Variants in CPNE5 observed in about 807,000 individuals in gnomAD.
CPNE5 encodes copine 5.
In CPNE5, 42 loss-of-function variants were observed where a neutral mutation model predicts 81.1. The observed-to-expected ratio is 0.52, with a 90% confidence interval of 0.40 to 0.67. The LOEUF (loss-of-function observed/expected upper bound fraction) is 0.67, where lower values mean the gene tolerates loss of function less well. Among genes scored for constraint, CPNE5 ranks in the 30% least tolerant of loss-of-function variants. The pLI is 0.00. For synonymous variants in CPNE5, 313 were observed against 321.5 expected, an observed-to-expected ratio of 0.97 and a Z score of 0.28; for missense variants, 612 against 815.5, an observed-to-expected ratio of 0.75 and a Z score of 3.04.
At chr6:36,838,307 C>T (rs771548028) in intron 1 of CPNE5, among the ~76,000 whole-genome samples, 22 of 152,294 alleles carry the variant, frequency 1.4e-4, no homozygotes, top group Admixed American at 3.9e-4. Context: ...GAAATGCTGT[C>T]GGTGATCTGG....
chr6:36,774,332 G>A (rs1767308936), intron 10 of CPNE5, among the ~76,000 whole-genome samples: 1 of 152,078 alleles, frequency 6.6e-6, no homozygotes, highest in South Asian at 2.1e-4. Flanking sequence ...GCAGTGAGCT[G>A]TGATGGCGCC....
At chr6:36,820,391 G>T (rs1771941006) in intron 3 of CPNE5, among the ~76,000 whole-genome samples, 1 of 141,114 alleles carries the variant, frequency 7.1e-6, no homozygotes, top group Non-Finnish European at 1.5e-5. Context: ...GCCCAGGCTG[G>T]AGTGCAGTGG....
At chr6:36,794,680 C>A in intron 6 of CPNE5, 31 bp from the exon 7 acceptor site, 2 of 1,607,144 alleles carry the variant, frequency 1.2e-6, no homozygotes, top group Non-Finnish European at 1.7e-6. Context: ...AGAGAGCATG[C>A]CATGAGCTGA....
At chr6:36,805,627 GTGAC>G (rs1278199795) in intron 3 of CPNE5, among the ~76,000 whole-genome samples, 2 of 152,134 alleles carry the variant, frequency 1.3e-5, no homozygotes, top group African/African-American at 4.8e-5. Flanking sequence ...GACAGGGGAG[GTGAC>G]AGGGGACCTC....
chr6:36,822,077 G>A (rs764102747), intron 3 of CPNE5, 37 bp downstream of exon 3: 1 of 1,510,798 alleles, frequency 6.6e-7, no homozygotes, highest in Non-Finnish European at 8.9e-7. Context: ...GACAGGAACA[G>A]GCTGGTGTTT....
rs1244348712 is a variant in CPNE5, at chr6:36,744,317, C to T, written c.1440G>A (p.Lys480=). Residue 480 remains lysine, a synonymous_variant, in exon 19 of 21, where the codon AAG becomes AAA. Transcript: ENST00000244751. ...QTKEAIVNAA[K]LPMSIIIVGV... Reference sequence around the variant, plus strand: ...CGACGATAATGATGGACATGGGGAGCTTGGCAGCCTGGGAGACAGCATGGG... The same window carrying T: ...CGACGATAATGATGGACATGGGGAGTTTGGCAGCCTGGGAGACAGCATGGG... 2.5e-6 allele frequency: 4 copies of T among 1,582,354 alleles called. No individual in the cohort carries two copies. The highest frequency in any genetic ancestry group is 1.2e-5 in the South Asian group (1 of 86,024).
intron 10 of CPNE5, among the ~76,000 whole-genome samples, chr6:36,774,431 C>T (rs1767317289): frequency 6.6e-6 from 1 of 152,156 alleles, no homozygotes; most frequent in Admixed American, 6.5e-5. Flanking sequence ...CACTCTACCC[C>T]GTTTGTTTAT....
chr6:36,829,637 A>C (rs1772807857), intron 1 of CPNE5, among the ~76,000 whole-genome samples: 1 of 151,472 alleles, frequency 6.6e-6, no homozygotes, highest in South Asian at 2.1e-4. Flanking sequence ...ATATGGTGAA[A>C]CCCTGTCTCT....
intron 1 of CPNE5, among the ~76,000 whole-genome samples, chr6:36,824,668 C>T (rs568235417): frequency 1.3e-5 from 2 of 152,342 alleles, no homozygotes; most frequent in East Asian, 3.9e-4. Context: ...AGAGCTAGGC[C>T]GGGTGTGGCT....
chr6:36,748,356 G>C, intron 14 of CPNE5, 89 bp from the exon 15 acceptor site: 2 of 1,165,332 alleles, frequency 1.7e-6, no homozygotes, highest in East Asian at 2.3e-5. Flanking sequence ...TACCACCCTG[G>C]CTCTGCTGCT....
rs750300385 is a variant in CPNE5, at chr6:36,792,070, G to T, written c.491C>A (p.Thr164Asn). ...GAGCTCCTCAGCGGACAGGATGATG[G>T]TGCCACATTTCTTTCCTGGGACACC... is the stretch of plus-strand genomic sequence containing the variant. ...NGGVPGKKCG[T>N]IILSAEELSN... The change falls in exon 8 of 21, where the codon ACC becomes AAC. Residue 164 changes from threonine to asparagine, a missense_variant. Thr to Asn is a moderately conservative substitution (Grantham distance 65). Coordinates refer to ENST00000244751, the MANE Select transcript of CPNE5 (RefSeq NM_020939.2). The T allele has an allele frequency of 5.0e-6, 8 of 1,613,980 alleles. No individual in the cohort carries two copies. Among genetic ancestry groups the T allele is most frequent in the African/African-American group, 1.3e-5 (1 of 74,888 alleles).
At chr6:36,783,740 C>T (rs1039934291) in intron 8 of CPNE5, among the ~76,000 whole-genome samples, 20 of 152,112 alleles carry the variant, frequency 1.3e-4, no homozygotes, top group African/African-American at 4.3e-4. Context: ...TGTTGAACTC[C>T]TGAGGTCAAG....
chr6:36,743,540 C>T (rs1033476425), intron 20 of CPNE5, 149 bp downstream of exon 20: 13 of 761,778 alleles, frequency 1.7e-5, no homozygotes, highest in Non-Finnish European at 2.9e-5. Flanking sequence ...CTGACTCCTA[C>T]TCCCTTCGGT....
intron 10 of CPNE5, among the ~76,000 whole-genome samples, chr6:36,767,167 T>C (rs1024499856): frequency 6.6e-6 from 1 of 152,212 alleles, no homozygotes; most frequent in Non-Finnish European, 1.5e-5. Context: ...CTGATAGTTT[T>C]TCGTATGAAA....
chr6:36,751,976 G>A (rs576820852), intron 14 of CPNE5, among the ~76,000 whole-genome samples: 119 of 152,134 alleles, frequency 7.8e-4, no homozygotes, highest in African/African-American at 2.8e-3. Flanking sequence ...CCCAGAGGAG[G>A]GGCAGGTAAG....
chr6:36,760,893 T>C (rs1358104569), intron 12 of CPNE5, among the ~76,000 whole-genome samples: 2 of 152,220 alleles, frequency 1.3e-5, no homozygotes, highest in Non-Finnish European at 2.9e-5. Flanking sequence ...AAGGCCTTCC[T>C]GCCCCAAACC....
Position 36,746,441 on chromosome 6 carries a change from C to T in CPNE5, c.1155G>A (p.Gly385=). The change falls in exon 16 of 21, where the codon GGG becomes GGA. Residue 385 remains glycine, a synonymous_variant. Transcript: ENST00000244751. The surrounding 1 kb of genome is among the most constrained non-coding windows in gnomAD (Gnocchi z 4.5). ...SDKMFPALGF[G]AKLPPDGRVS... ...CTCTGCCATCCGGGGGCAGCTTGGC[C>T]CCGAAGCCCAGGGCAGGGAACATCT... 1 of 1,613,294 alleles carries T rather than the reference C, an allele frequency of 6.2e-7. No homozygotes were observed.
chr6:36,810,482 TAGAAACGG>T (rs2150559677), intron 3 of CPNE5, among the ~76,000 whole-genome samples: 1 of 152,186 alleles, frequency 6.6e-6, no homozygotes, highest in African/African-American at 2.4e-5. Context: ...CTGACTCAAA[TAGAAACGG>T]AAAAAGGGAA....
chr6:36,802,472 C>CA (rs1248268693), intron 3 of CPNE5, among the ~76,000 whole-genome samples: 2 of 152,028 alleles, frequency 1.3e-5, no homozygotes, highest in African/African-American at 2.4e-5. Context: ...CAAAAACAAA[C>CA]AAAAAATCCA....
Sources: allele counts gnomAD v4.1 joint callset (sites outside exome capture counted in the v4.1 genomes callset), GRCh38; gene constraint gnomAD v4.1.1; non-coding constraint Gnocchi (gnomAD v3.1); transcripts MANE v1.5; gene names NCBI Gene and HGNC (gene_info 2026-07-23, HGNC 2026-07-21).